Variants in SYNPO2 observed in about 807,000 individuals in gnomAD.
SYNPO2 encodes the protein synaptopodin 2.
Under a neutral mutation model 85.0 loss-of-function variants are expected in SYNPO2, and 56 were observed. The observed-to-expected ratio is 0.66, with a 90% CI of 0.53 to 0.82. The LOEUF is 0.82. SYNPO2 is among the 40% of genes least tolerant of loss of function. The probability of loss-of-function intolerance (pLI) is 0.00; values close to 1 mark genes in which losing one functional copy is unlikely to be tolerated. For synonymous variants in SYNPO2, 602 were observed against 591.1 expected (o/e 1.02, Z -0.27); for missense variants, 1,575 against 1,534.2 (o/e 1.03, Z -0.44).
intron 1 of SYNPO2, among the ~76,000 whole-genome samples, chr4:118,974,987 C>G (rs1735669614): frequency 6.6e-6 from 1 of 152,210 alleles, no homozygotes; most frequent in South Asian, 2.1e-4. Context: ...ATAATAATTT[C>G]TCATCACTAC....
At position 119,057,761 on chromosome 4, in the gene SYNPO2, A is replaced by G. The variant is rs1739259855; in HGVS notation, c.3613A>G (p.Asn1205Asp). ...GRQEYNVTAN[N>D]NMSTTSQYGS... is the part of the protein sequence containing the mutation. ...GCAAGAGTATAATGTCACAGCCAAT[A>G]ATAATATGTCCACCACCTCCCAATA... is the stretch of plus-strand genomic sequence containing the variant. The change falls in exon 5 of 5, where the codon AAT becomes GAT. Residue 1205 changes from asparagine (N) to aspartate (D), a missense_variant. Transcript: ENST00000307142. 6.2e-7 allele frequency: 1 copy of G among 1,614,166 alleles called. No homozygotes were observed. The highest frequency in any genetic ancestry group is 1.1e-5 in the South Asian group (1 of 91,082).
At chr4:118,991,496 A>G (rs1191481599) in intron 1 of SYNPO2, among the ~76,000 whole-genome samples, 6 of 152,190 alleles carry the variant, frequency 3.9e-5, no homozygotes, top group Non-Finnish European at 7.3e-5. Context: ...CCTACTGCTC[A>G]TTATAACTAC....
At position 119,017,421 on chromosome 4, in the gene SYNPO2, A is replaced by T. The variant is rs1385681778; in HGVS notation, c.106-6009A>T. ...GTTTAAGATCCAGTTGGGGTAAGGG[A>T]ATGCTTATTAAACCTTGTCTTACAG... On this transcript the variant is annotated intron_variant, in intron 1 of 4. Coordinates refer to ENST00000307142, the MANE Select transcript of SYNPO2 (RefSeq NM_133477.3). Among the ~76,000 whole-genome samples, 4 of 152,120 alleles carry T rather than the reference A, an allele frequency of 2.6e-5. No homozygotes were observed. In the East Asian group the frequency reaches 5.8e-4, roughly 22 times the overall value.
At chr4:118,928,148 C>T (rs1221620919) in intron 1 of SYNPO2, among the ~76,000 whole-genome samples, 1 of 152,144 alleles carries the variant, frequency 6.6e-6, no homozygotes, top group Non-Finnish European at 1.5e-5. Flanking sequence ...TCCAAGAAGG[C>T]AAGTAGGCAC....
chr4:118,991,654 C>G (rs1578622052), intron 1 of SYNPO2, among the ~76,000 whole-genome samples: 1 of 152,126 alleles, frequency 6.6e-6, no homozygotes, highest in East Asian at 1.9e-4. Context: ...TATTGAAGCT[C>G]CTTAGGCACT....
chr4:118,972,555 C>T (rs1455608695), intron 1 of SYNPO2, among the ~76,000 whole-genome samples: 2 of 152,132 alleles, frequency 1.3e-5, no homozygotes, highest in East Asian at 3.9e-4. Context: ...TCCTCCAAGC[C>T]CTTCAAACTG....
At chr4:118,949,910 A>G (rs1734640611) in intron 1 of SYNPO2, among the ~76,000 whole-genome samples, 1 of 152,126 alleles carries the variant, frequency 6.6e-6, no homozygotes, top group African/African-American at 2.4e-5. Context: ...TTTTGTTTCA[A>G]CTCTATTTTC....
intron 1 of SYNPO2, among the ~76,000 whole-genome samples, chr4:119,011,920 C>CTTTTTTT (rs548974684): frequency 1.8e-5 from 2 of 109,626 alleles, no homozygotes; most frequent in Non-Finnish European, 3.5e-5. Context: ...TTTCTATAGA[C>CTTTTTTT]TTTTTTTTTT....
At chr4:118,968,984 A>C (rs17050209) in intron 1 of SYNPO2, among the ~76,000 whole-genome samples, 16,258 of 152,220 alleles carry the variant, frequency 0.11, 905 homozygotes, top group East Asian at 0.16. Context: ...GAACGAGAAA[A>C]TCCACAGAAC....
chr4:119,032,757 T>C (rs1738335076), intron 4 of SYNPO2: 3 of 891,376 alleles, frequency 3.4e-6, no homozygotes, highest in African/African-American at 3.6e-5. Context: ...TGGTGGTTCA[T>C]GCCTGGAATC....
chr4:118,878,854 G>A (rs1029313579), intron 1 of SYNPO2, among the ~76,000 whole-genome samples: 4 of 152,182 alleles, frequency 2.6e-5, no homozygotes, highest in African/African-American at 7.2e-5. Flanking sequence ...GCCAGCAGAG[G>A]CACCCACTCA....
chr4:118,874,342 G>A (rs1052584789), intron 1 of SYNPO2, among the ~76,000 whole-genome samples: 1 of 152,142 alleles, frequency 6.6e-6, no homozygotes, highest in Non-Finnish European at 1.5e-5. Context: ...AAATTAAAAG[G>A]TCAGAAGAGG....
intron 1 of SYNPO2, among the ~76,000 whole-genome samples, chr4:118,859,800 T>C (rs1472816710): frequency 6.6e-6 from 1 of 152,256 alleles, no homozygotes; most frequent in East Asian, 1.9e-4. Context: ...CTCATTTTAT[T>C]TATCCATTCA....
chr4:118,918,412 A>G (rs1213739582), intron 1 of SYNPO2, among the ~76,000 whole-genome samples: 1 of 152,152 alleles, frequency 6.6e-6, no homozygotes, highest in Non-Finnish European at 1.5e-5. Context: ...ACATTATTTC[A>G]TAGTATTCTG....
At chr4:118,893,234 A>T (rs1156613763) in intron 1 of SYNPO2, among the ~76,000 whole-genome samples, 3 of 152,214 alleles carry the variant, frequency 2.0e-5, no homozygotes, top group African/African-American at 4.8e-5. Context: ...AGGCGATATT[A>T]AAAAATCCTT....
rs375216253 is a variant in SYNPO2, at chr4:119,012,508, T to C, written c.106-10922T>C. 1.1e-3 allele frequency among the ~76,000 whole-genome samples: 165 copies of C among 152,128 alleles called. 1 individual carries two copies. Among genetic ancestry groups the C allele is most frequent in the African/African-American group, 3.3e-3 (135 of 41,518 alleles). ...AACCTGTCATCTAGGCTTTAAGCCC[T>C]GCATGGATTAGGTATTTGTCCTAAT... is the stretch of plus-strand genomic sequence containing the variant. On this transcript the variant is annotated intron_variant, in intron 1 of 4. Coordinates refer to ENST00000307142, the MANE Select transcript of SYNPO2 (RefSeq NM_133477.3).
At chr4:118,942,122 T>C (rs192980218) in intron 1 of SYNPO2, among the ~76,000 whole-genome samples, 1 of 152,310 alleles carries the variant, frequency 6.6e-6, no homozygotes, top group Admixed American at 6.5e-5. Context: ...ATATTAGGAA[T>C]TAACTAGCTC....
intron 4 of SYNPO2, chr4:119,042,422 C>T (rs1358957209): frequency 1.3e-5 from 2 of 152,070 alleles, no homozygotes; most frequent in African/African-American, 2.4e-5. Context: ...TGTATGACTT[C>T]CCTTGGCTGT....
intron 1 of SYNPO2, among the ~76,000 whole-genome samples, chr4:118,877,732 AG>A (rs1266943607): frequency 1.3e-5 from 2 of 152,210 alleles, no homozygotes; most frequent in African/African-American, 4.8e-5. Context: ...TGTGGAGAAA[AG>A]GGAACACTTA....
Sources: gnomAD v4.1 joint callset for allele counts (sites outside exome capture counted in the v4.1 genomes callset) on GRCh38, gnomAD v4.1.1 for gene constraint, MANE v1.5 for transcripts, NCBI Gene and HGNC (gene_info 2026-07-23, HGNC 2026-07-21) for gene names.